The following ERAP1 variants were observed in gnomAD, a reference collection of about 807,000 sequenced individuals.
ERAP1 encodes adipocyte-derived leucine aminopeptidase.
A neutral mutation model predicts 103.7 loss-of-function variants in ERAP1; 86 were observed. That is an observed-to-expected ratio of 0.83 (90% CI 0.70 to 0.99). ERAP1 has a LOEUF of 0.99. Ranked by LOEUF, ERAP1 falls within the 50% of genes least tolerant of loss-of-function variation. The pLI, the probability that ERAP1 is intolerant of heterozygous loss-of-function variation, is 0.00. For missense variants in ERAP1, 1,009 were observed against 1,128.4 expected (o/e 0.89, Z 1.52); for synonymous variants, 398 against 402.4 (o/e 0.99, Z 0.13).
the ERAP1 span, chr5:96,912,635 A>C: frequency 6.3e-7 from 1 of 1,597,292 alleles, no homozygotes; most frequent in Non-Finnish European, 8.5e-7. Context: ...TTGATATTAC[A>C]GTATACCAAC....
At chr5:96,908,927 T>C in the ERAP1 span, 1 of 1,591,170 alleles carries the variant, frequency 6.3e-7, no homozygotes, top group African/African-American at 1.4e-5. Context: ...CTATAAGATA[T>C]GCACAAACCA....
chr5:96,899,258 T>C, the ERAP1 span, among the ~76,000 whole-genome samples: 1 of 152,146 alleles, frequency 6.6e-6, no homozygotes, highest in Non-Finnish European at 1.5e-5. Flanking sequence ...TATTCAATTA[T>C]ATCACAGCTA....
At chr5:96,863,847 T>TAA in the ERAP1 span, among the ~76,000 whole-genome samples, 6 of 151,452 alleles carry the variant, frequency 4.0e-5, no homozygotes, top group African/African-American at 9.7e-5. Context: ...AAATCTTATT[T>TAA]AAAAAAAAAT....
the ERAP1 span, among the ~76,000 whole-genome samples, chr5:96,921,636 T>A: frequency 6.6e-6 from 1 of 152,230 alleles, no homozygotes; most frequent in Non-Finnish European, 1.5e-5. Flanking sequence ...TTCTTCTTTC[T>A]TCCAGATGTC....
At chr5:96,915,874 A>T in the ERAP1 span, 1 of 1,038,034 alleles carries the variant, frequency 9.6e-7, no homozygotes, top group East Asian at 2.7e-5. Context: ...TTTAGTTTTT[A>T]AAAAAGTTGT....
At chr5:96,917,551 A>G in the ERAP1 span, 1 of 1,613,096 alleles carries the variant, frequency 6.2e-7, no homozygotes, top group African/African-American at 1.3e-5. Context: ...AAAATATAAA[A>G]TGGCTGGAGA....
chr5:96,811,790 G>A (rs954996018), upstream of ERAP1, among the ~76,000 whole-genome samples: 6 of 152,198 alleles, frequency 3.9e-5, no homozygotes, highest in Non-Finnish European at 5.9e-5. Context: ...TAGGTGCCAC[G>A]AGGACTGATC....
At chr5:96,891,322 C>T in the ERAP1 span, among the ~76,000 whole-genome samples, 932 of 150,840 alleles carry the variant, frequency 6.2e-3, 6 homozygotes, top group South Asian at 9.4e-3. Context: ...GTAAACCATG[C>T]GCATACATTT....
chr5:96,778,653 C>T (rs1774704271), intron 18 of ERAP1, among the ~76,000 whole-genome samples: 1 of 152,154 alleles, frequency 6.6e-6, no homozygotes, highest in Non-Finnish European at 1.5e-5. Context: ...GGCAGGGTTT[C>T]AAGAAGCCAG....
chr5:96,764,415 ATTG>A (rs1561612400), intron 19 of ERAP1, among the ~76,000 whole-genome samples: 1 of 152,182 alleles, frequency 6.6e-6, no homozygotes, highest in East Asian at 1.9e-4. Flanking sequence ...TTACAGTGAT[ATTG>A]TTGTCCATAA....
the ERAP1 span, among the ~76,000 whole-genome samples, chr5:96,814,765 A>G: frequency 2.0e-5 from 3 of 152,238 alleles, no homozygotes; most frequent in African/African-American, 4.8e-5. Flanking sequence ...GAAGAAGATG[A>G]TTAAAGGTAG....
At chr5:96,861,033 A>G in the ERAP1 span, among the ~76,000 whole-genome samples, 1 of 151,830 alleles carries the variant, frequency 6.6e-6, no homozygotes, top group Non-Finnish European at 1.5e-5. Context: ...CAAGGTCAAA[A>G]CCTGCCTTTG....
chr5:96,868,473 G>C, the ERAP1 span, among the ~76,000 whole-genome samples: 1 of 152,180 alleles, frequency 6.6e-6, no homozygotes, highest in Admixed American at 6.6e-5. Flanking sequence ...ACAGCCCTAT[G>C]AAGTTTGTGC....
At chr5:96,846,156 T>A in the ERAP1 span, among the ~76,000 whole-genome samples, 1 of 152,168 alleles carries the variant, frequency 6.6e-6, no homozygotes, top group South Asian at 2.1e-4. Flanking sequence ...ATTCTCCTAG[T>A]TTAGCAGTTC....
chr5:96,858,082 A>G, the ERAP1 span, among the ~76,000 whole-genome samples: 1 of 152,334 alleles, frequency 6.6e-6, no homozygotes, highest in Non-Finnish European at 1.5e-5. Context: ...AAGAGGCTGA[A>G]CCGTGGATTC....
intron 2 of ERAP1, 91 bp from the exon 3 acceptor site, chr5:96,801,091 A>G: frequency 7.1e-7 from 1 of 1,404,664 alleles, no homozygotes; most frequent in East Asian, 2.3e-5. Context: ...AAGTTACTAT[A>G]AGATTGATGG....
the ERAP1 span, among the ~76,000 whole-genome samples, chr5:96,856,365 T>TATATATAGAGAGAGAGAGAGAG: frequency 6.4e-4 from 13 of 20,374 alleles, no homozygotes; most frequent in South Asian, 1.5e-3. Flanking sequence ...TATATATATA[T>TATATATAGAGAGAGAGAGAGAG]AGAGAGAGAG....
chr5:96,909,753 T>C, the ERAP1 span: 1 of 1,613,946 alleles, frequency 6.2e-7, no homozygotes. Context: ...TGGAATCCAG[T>C]GGAAAATTAA....
At chr5:96,869,118 G>A in the ERAP1 span, among the ~76,000 whole-genome samples, 43 of 151,200 alleles carry the variant, frequency 2.8e-4, no homozygotes, top group African/African-American at 1.0e-3. Context: ...AGAACTTGTT[G>A]GTTGGCTACT....
Sources: allele counts gnomAD v4.1 joint callset (sites outside exome capture counted in the v4.1 genomes callset), GRCh38; gene constraint gnomAD v4.1.1; transcripts MANE v1.5; gene names NCBI Gene and HGNC (gene_info 2026-07-23, HGNC 2026-07-21).